ERC2: variants seen among roughly 807,000 people sequenced by gnomAD.
ERC2 encodes the protein ELKS/RAB6-interacting/CAST family member 2.
In ERC2, 42 loss-of-function variants were observed where a neutral mutation model predicts 114.8. The ratio of observed to expected loss-of-function variants is 0.37; its 90% confidence interval spans 0.29 to 0.47. ERC2 has a LOEUF of 0.47. ERC2 is among the 20% of genes least tolerant of loss of function. The pLI is 0.99. For synonymous variants in ERC2, 454 were observed against 425.5 expected, an observed-to-expected ratio of 1.07 and a Z score of -0.82; for missense variants, 939 against 1,150.7, an observed-to-expected ratio of 0.82 and a Z score of 2.66.
chr3:56,413,798 C>T (rs549410193), intron 2 of ERC2, among the ~76,000 whole-genome samples: 1 of 152,300 alleles, frequency 6.6e-6, no homozygotes, highest in East Asian at 1.9e-4. Flanking sequence ...ATAACAAGAA[C>T]ATGAAACACC....
chr3:55,758,232 C>T (rs547215163), intron 14 of ERC2, among the ~76,000 whole-genome samples: 10 of 152,248 alleles, frequency 6.6e-5, no homozygotes, highest in South Asian at 6.2e-4. Flanking sequence ...GCTGTATCTA[C>T]GAAATTATTA....
chr3:56,016,118 A>T (rs9883032), intron 8 of ERC2, among the ~76,000 whole-genome samples: 31,410 of 152,134 alleles, frequency 0.21, 4,268 homozygotes, highest in African/African-American at 0.36. Flanking sequence ...CCTTTGTCAG[A>T]TGGATAGATT....
At chr3:55,833,364 G>A (rs1345115416) in intron 14 of ERC2, among the ~76,000 whole-genome samples, 1 of 151,218 alleles carries the variant, frequency 6.6e-6, no homozygotes, top group East Asian at 1.9e-4. Context: ...AGAGAGAAAG[G>A]TCGGGTTACC....
At chr3:55,825,791 T>G (rs999573788) in intron 14 of ERC2, among the ~76,000 whole-genome samples, 5 of 152,192 alleles carry the variant, frequency 3.3e-5, no homozygotes, top group Non-Finnish European at 7.3e-5. Flanking sequence ...AAAACTACTA[T>G]ATTTGCTAGT....
intron 6 of ERC2, among the ~76,000 whole-genome samples, chr3:56,136,298 G>A (rs2080500932): frequency 6.6e-6 from 1 of 152,146 alleles, no homozygotes; most frequent in Admixed American, 6.5e-5. Context: ...CACAGATATA[G>A]CAGGACTCTC....
At chr3:55,950,050 C>T (rs1265378916) in intron 13 of ERC2, among the ~76,000 whole-genome samples, 2 of 152,222 alleles carry the variant, frequency 1.3e-5, no homozygotes, top group East Asian at 3.8e-4. Flanking sequence ...CAAATACCTT[C>T]TGTGATAATA....
At chr3:55,981,128 A>G (rs566780801) in intron 12 of ERC2, among the ~76,000 whole-genome samples, 1 of 152,376 alleles carries the variant, frequency 6.6e-6, no homozygotes, top group Non-Finnish European at 1.5e-5. Context: ...TCAAGGGTTC[A>G]AAACCATTTC....
intron 14 of ERC2, among the ~76,000 whole-genome samples, chr3:55,800,725 C>A (rs950829532): frequency 1.3e-5 from 2 of 152,108 alleles, no homozygotes; most frequent in African/African-American, 4.8e-5. Context: ...CTCCACTTTT[C>A]TCTCCTTGCT....
At chr3:55,990,975 G>C (rs2071018116) in intron 11 of ERC2, among the ~76,000 whole-genome samples, 1 of 152,248 alleles carries the variant, frequency 6.6e-6, no homozygotes, top group African/African-American at 2.4e-5. Flanking sequence ...TGCACCTGTA[G>C]TCCCAGCTAC....
At chr3:56,253,924 T>G (rs978287942) in intron 3 of ERC2, among the ~76,000 whole-genome samples, 1 of 152,154 alleles carries the variant, frequency 6.6e-6, no homozygotes, top group Non-Finnish European at 1.5e-5. Flanking sequence ...AATAAAAATT[T>G]CCCAAACTCA....
intron 16 of ERC2, among the ~76,000 whole-genome samples, chr3:55,691,843 T>C (rs1215225087): frequency 6.6e-6 from 1 of 151,934 alleles, no homozygotes; most frequent in Non-Finnish European, 1.5e-5. Flanking sequence ...ATATATAACG[T>C]ATATTCAAAC....
At chr3:56,010,333 T>G in intron 9 of ERC2, 116 bp downstream of exon 9, 1 of 1,265,690 alleles carries the variant, frequency 7.9e-7, no homozygotes, top group African/African-American at 1.5e-5. Context: ...GAAAGGTTAC[T>G]ACATTCCCCA....
intron 12 of ERC2, among the ~76,000 whole-genome samples, chr3:55,952,911 C>T (rs570568347): frequency 2.0e-4 from 31 of 151,980 alleles, no homozygotes; most frequent in African/African-American, 6.3e-4. Flanking sequence ...GAAAGAGTGG[C>T]GGCCGGGCAC....
At chr3:55,639,180 C>T (rs973468237) in intron 17 of ERC2, among the ~76,000 whole-genome samples, 1 of 152,062 alleles carries the variant, frequency 6.6e-6, no homozygotes, top group African/African-American at 2.4e-5. Context: ...TGGCTGTGTC[C>T]AGAATCTGAT....
At chr3:55,528,798 TC>T (rs5849103) in intron 17 of ERC2, among the ~76,000 whole-genome samples, 6,569 of 152,152 alleles carry the variant, frequency 0.043, 204 homozygotes, top group African/African-American at 0.081. Flanking sequence ...TTTAGCAACA[TC>T]CCTGGCCTCC....
At chr3:56,369,489 A>G (rs1410281242) in intron 2 of ERC2, among the ~76,000 whole-genome samples, 1 of 152,244 alleles carries the variant, frequency 6.6e-6, no homozygotes, top group Non-Finnish European at 1.5e-5. Flanking sequence ...ACAATCTATT[A>G]TTCAGACTCT....
chr3:56,313,201 T>A (rs1468678039), intron 2 of ERC2, among the ~76,000 whole-genome samples: 3 of 149,352 alleles, frequency 2.0e-5, no homozygotes, highest in Non-Finnish European at 4.5e-5. Context: ...GATGGGGAAA[T>A]GACTGCTAAA....
Position 56,296,130 on chromosome 3 carries a change from G to T in ERC2, c.963C>A (p.Ser321Arg). The change falls in exon 3 of 18, where the codon AGC becomes AGA. Residue 321 changes from serine (S) to arginine (R), a missense_variant. Around this residue, in one of 5 missense-constraint regions of ERC2, gnomAD observed 148 missense variants for 159.1 expected, o/e 0.93. Transcript: ENST00000288221. Reference sequence around the variant, plus strand: ...GCGTTCGCTCATTGTCATCCTCCAGGCTTTTGGATGGCAAGCCTTTACTTT... The same window carrying T: ...GCGTTCGCTCATTGTCATCCTCCAGTCTTTTGGATGGCAAGCCTTTACTTT... ...MLQSKGLPSK[S>R]LEDDNERTRR... 1.2e-6 allele frequency: 2 copies of T among 1,613,962 alleles called. No homozygotes were observed. The highest frequency in any genetic ancestry group is 1.7e-6 in the Non-Finnish European group (2 of 1,179,882).
chr3:55,747,525 C>T (rs769659963), intron 14 of ERC2, among the ~76,000 whole-genome samples: 40 of 152,228 alleles, frequency 2.6e-4, no homozygotes, highest in African/African-American at 5.1e-4. Context: ...CTTTATTCCA[C>T]GCCGTAAGGA....
Sources: allele counts gnomAD v4.1 joint callset (sites outside exome capture counted in the v4.1 genomes callset), GRCh38; gene constraint gnomAD v4.1.1; regional missense constraint gnomAD v4.1.1; transcripts MANE v1.5; gene names NCBI Gene and HGNC (gene_info 2026-07-23, HGNC 2026-07-21).